The following TENM3 variants were observed in gnomAD, a reference collection of about 807,000 sequenced individuals.
The protein encoded by TENM3 is teneurin transmembrane protein 3.
A neutral mutation model predicts 255.1 loss-of-function variants in TENM3; 63 were observed. The ratio of observed to expected loss-of-function variants is 0.25; its 90% CI spans 0.20 to 0.30. The LOEUF (loss-of-function observed/expected upper bound fraction) is 0.30, where lower values mean the gene tolerates loss of function less well. Among genes scored for constraint, TENM3 ranks in the 10% least tolerant of loss-of-function variants. TENM3 has a pLI of 1.00. For missense variants in TENM3, 2,929 were observed against 3,461.1 expected (o/e 0.85, Z 3.86); for synonymous variants, 1,306 against 1,322.3 (o/e 0.99, Z 0.27).
intron 1 of TENM3, among the ~76,000 whole-genome samples, chr4:182,169,653 ATC>A (rs1751971753): frequency 6.6e-6 from 1 of 152,156 alleles, no homozygotes. Context: ...AGTGTGAGAT[ATC>A]TCTACTACAG....
At chr4:182,270,872 G>A (rs1274437436) in intron 1 of TENM3, among the ~76,000 whole-genome samples, 3 of 152,164 alleles carry the variant, frequency 2.0e-5, no homozygotes, top group South Asian at 2.1e-4. Flanking sequence ...TATCTCTGAC[G>A]CTACTATGAA....
At chr4:181,797,523 T>C in the TENM3 span, among the ~76,000 whole-genome samples, 1 of 152,176 alleles carries the variant, frequency 6.6e-6, no homozygotes, top group Admixed American at 6.6e-5. Context: ...TGAATGTGTA[T>C]ATATTTAACT....
chr4:181,853,415 G>A, the TENM3 span, among the ~76,000 whole-genome samples: 9 of 152,192 alleles, frequency 5.9e-5, no homozygotes, highest in Non-Finnish European at 1.3e-4. Flanking sequence ...TTTAAACCAT[G>A]TTCCGTGAAA....
the TENM3 span, among the ~76,000 whole-genome samples, chr4:181,732,733 A>C: frequency 6.6e-6 from 1 of 150,742 alleles, no homozygotes; most frequent in Non-Finnish European, 1.5e-5. Flanking sequence ...CTCTTCGATT[A>C]TTTTTCAGAG....
chr4:181,774,012 T>G, the TENM3 span, among the ~76,000 whole-genome samples: 26 of 130,956 alleles, frequency 2.0e-4, 1 homozygote, highest in African/African-American at 7.1e-4. Flanking sequence ...TGTTTTTTTT[T>G]TTTTTTTTTT....
the TENM3 span, among the ~76,000 whole-genome samples, chr4:181,988,395 T>A: frequency 6.6e-6 from 1 of 152,036 alleles, no homozygotes; most frequent in Non-Finnish European, 1.5e-5. Flanking sequence ...TATTCGCCCA[T>A]TTGGGGCTTT....
At chr4:182,352,638 A>T (rs1580257981) in intron 3 of TENM3, among the ~76,000 whole-genome samples, 1 of 152,272 alleles carries the variant, frequency 6.6e-6, no homozygotes, top group East Asian at 1.9e-4. Flanking sequence ...CAGTCTTTTT[A>T]AATGTAATAG....
the TENM3 span, among the ~76,000 whole-genome samples, chr4:182,101,122 GGAAA>G: frequency 6.3e-5 from 3 of 47,406 alleles, no homozygotes; most frequent in African/African-American, 3.2e-4. Flanking sequence ...AAAGAAGGAA[GGAAA>G]GAAGGAAGGA....
chr4:182,150,718 A>G (rs940674949), intron 1 of TENM3, among the ~76,000 whole-genome samples: 3 of 152,118 alleles, frequency 2.0e-5, no homozygotes, highest in Non-Finnish European at 4.4e-5. Flanking sequence ...CTCTTAATAT[A>G]TTTTAGTCAT....
intron 1 of TENM3, among the ~76,000 whole-genome samples, chr4:182,185,535 T>A (rs1306661968): frequency 6.6e-6 from 1 of 152,184 alleles, no homozygotes; most frequent in Non-Finnish European, 1.5e-5. Flanking sequence ...ACAAAGGCCT[T>A]TTAGTCATTG....
At chr4:181,916,122 C>T in the TENM3 span, among the ~76,000 whole-genome samples, 1 of 152,052 alleles carries the variant, frequency 6.6e-6, no homozygotes, top group Non-Finnish European at 1.5e-5. Flanking sequence ...ATTCTGCTCC[C>T]CCTAAAAGAC....
At chr4:181,671,476 C>G in the TENM3 span, among the ~76,000 whole-genome samples, 1 of 152,110 alleles carries the variant, frequency 6.6e-6, no homozygotes, top group Non-Finnish European at 1.5e-5. Context: ...TCTTAATACT[C>G]GTATGATTTA....
intron 6 of TENM3, among the ~76,000 whole-genome samples, chr4:182,661,201 T>A (rs1267998205): frequency 1.4e-5 from 2 of 139,166 alleles, no homozygotes; most frequent in Admixed American, 7.2e-5. Context: ...AATTTTTTTT[T>A]TTTTTTTTTT....
At chr4:182,005,326 A>T in the TENM3 span, among the ~76,000 whole-genome samples, 1 of 152,054 alleles carries the variant, frequency 6.6e-6, no homozygotes, top group Non-Finnish European at 1.5e-5. Flanking sequence ...TGAATGGGAG[A>T]TCCTTTCTCC....
chr4:182,399,987 A>G (rs1162961920), intron 3 of TENM3, among the ~76,000 whole-genome samples: 4 of 152,036 alleles, frequency 2.6e-5, no homozygotes, highest in Non-Finnish European at 5.9e-5. Flanking sequence ...AAAGGCCATT[A>G]CCTGTTTTAC....
At chr4:182,432,353 C>A (rs963297032) in intron 3 of TENM3, among the ~76,000 whole-genome samples, 1 of 152,144 alleles carries the variant, frequency 6.6e-6, no homozygotes, top group East Asian at 1.9e-4. Flanking sequence ...TTATAATTTT[C>A]TCTGACATGC....
chr4:181,604,756 T>A, the TENM3 span, among the ~76,000 whole-genome samples: 2,304 of 152,300 alleles, frequency 0.015, 38 homozygotes, highest in South Asian at 0.068. Context: ...CTGACTGAGA[T>A]CTGGTGTGGA....
chr4:182,143,224 G>A (rs1357262376), upstream of TENM3: 1 of 167,248 alleles, frequency 6.0e-6, no homozygotes, highest in African/African-American at 2.4e-5. The surrounding 1 kb of genome is among the most constrained non-coding windows in gnomAD (Gnocchi z 4.3). Context: ...CCCTGGCCAG[G>A]TGATGCGGGG....
At chr4:181,908,491 G>T in the TENM3 span, among the ~76,000 whole-genome samples, 3 of 151,782 alleles carry the variant, frequency 2.0e-5, no homozygotes, top group African/African-American at 7.3e-5. Context: ...TTCCATATTG[G>T]GTGATACATT....
Sources: allele counts gnomAD v4.1 joint callset (sites outside exome capture counted in the v4.1 genomes callset), GRCh38; gene constraint gnomAD v4.1.1; non-coding constraint Gnocchi (gnomAD v3.1); transcripts MANE v1.5; gene names NCBI Gene and HGNC (gene_info 2026-07-23, HGNC 2026-07-21).